DNAJC1: variants seen among roughly 807,000 people sequenced by gnomAD.
The protein encoded by DNAJC1 is DnaJ heat shock protein family (Hsp40) member C1.
Under a neutral mutation model 76.6 loss-of-function variants are expected in DNAJC1, and 58 were observed. That is an observed-to-expected ratio of 0.76 (90% confidence interval 0.61 to 0.94). DNAJC1 has a LOEUF of 0.94. Ranked by LOEUF, DNAJC1 falls within the 40% of genes least tolerant of loss-of-function variation. The pLI is 0.00. For missense variants in DNAJC1, 689 were observed against 677.3 expected, an observed-to-expected ratio of 1.02 and a Z score of -0.19; for synonymous variants, 258 against 267.9, an observed-to-expected ratio of 0.96 and a Z score of 0.36.
chr10:21,939,993 G>A (rs911995238), intron 1 of DNAJC1, among the ~76,000 whole-genome samples: 4 of 148,676 alleles, frequency 2.7e-5, no homozygotes, highest in African/African-American at 7.4e-5. Context: ...AAACGTGTGT[G>A]TATACAAGTG....
chr10:21,816,547 T>C (rs965294458), intron 8 of DNAJC1, among the ~76,000 whole-genome samples: 126 of 143,098 alleles, frequency 8.8e-4, no homozygotes, highest in East Asian at 3.0e-3. Flanking sequence ...CTCTCTCTCT[T>C]TTTTTTTTTT....
intron 7 of DNAJC1, among the ~76,000 whole-genome samples, chr10:21,894,855 T>C (rs931377318): frequency 2.0e-5 from 3 of 152,160 alleles, no homozygotes; most frequent in African/African-American, 7.2e-5. Flanking sequence ...TCTTCTGCCA[T>C]GTGAGCACAC....
intron 7 of DNAJC1, among the ~76,000 whole-genome samples, chr10:21,889,967 C>G (rs1478847454): frequency 6.6e-6 from 1 of 152,162 alleles, no homozygotes; most frequent in African/African-American, 2.4e-5. Flanking sequence ...CCCAACCTCC[C>G]CACCAGGGTG....
chr10:21,883,937 C>A (rs369480633), intron 7 of DNAJC1, among the ~76,000 whole-genome samples: 16 of 152,136 alleles, frequency 1.1e-4, no homozygotes, highest in Admixed American at 1.0e-3. Flanking sequence ...GCTTACACAA[C>A]TGAGTATCCA....
At chr10:21,763,120 C>T (rs1374828915) in intron 10 of DNAJC1, among the ~76,000 whole-genome samples, 1 of 151,914 alleles carries the variant, frequency 6.6e-6, no homozygotes, top group African/African-American at 2.4e-5. Flanking sequence ...TAGTAGAGAC[C>T]GGGTTTCACT....
intron 8 of DNAJC1, among the ~76,000 whole-genome samples, chr10:21,849,501 A>G (rs892399797): frequency 1.3e-5 from 2 of 151,982 alleles, no homozygotes; most frequent in African/African-American, 4.8e-5. Flanking sequence ...AAAAAGACAA[A>G]ACTGACAAGC....
Position 21,759,574 on chromosome 10 carries a change from T to C in DNAJC1, c.1192A>G (p.Arg398Gly). The C allele has an allele frequency of 6.2e-7, 1 of 1,614,096 alleles. No homozygotes were observed. Among genetic ancestry groups the C allele is most frequent in the Non-Finnish European group, 8.5e-7 (1 of 1,180,036 alleles). ...AAGGTGGTGGCCGTTTTGATGGGCC[T>C]GGAATTCTGAACTGTCGATTTGAGT... is the stretch of plus-strand genomic sequence containing the variant. ...SELKSTVQNS[R>G]PIKTATTLPD... Residue 398 changes from arginine to glycine, a missense_variant, in exon 11 of 12, where the codon AGG becomes GGG. Physicochemically the swap from Arg to Gly is moderately radical, Grantham distance 125. Coordinates refer to ENST00000376980, the MANE Select transcript of DNAJC1 (RefSeq NM_022365.4).
At chr10:22,002,281 T>A (rs1320839992) in intron 1 of DNAJC1, among the ~76,000 whole-genome samples, 5 of 152,180 alleles carry the variant, frequency 3.3e-5, no homozygotes, top group African/African-American at 7.2e-5. Flanking sequence ...TCAGATCGTG[T>A]GAAGTGTACA....
intron 6 of DNAJC1, among the ~76,000 whole-genome samples, chr10:21,908,124 T>A (rs1271616899): frequency 3.7e-5 from 4 of 108,486 alleles, no homozygotes; most frequent in Admixed American, 1.4e-4. Context: ...ATATATATAA[T>A]ATATAATATA....
intron 9 of DNAJC1, among the ~76,000 whole-genome samples, chr10:21,786,605 C>T (rs1375933163): frequency 1.3e-5 from 2 of 151,622 alleles, no homozygotes; most frequent in Admixed American, 6.6e-5. Context: ...AATGCCTCAG[C>T]CTCCCGCGTA....
intron 7 of DNAJC1, among the ~76,000 whole-genome samples, chr10:21,891,727 G>A (rs1002406299): frequency 2.6e-5 from 4 of 152,100 alleles, no homozygotes; most frequent in South Asian, 2.1e-4. Flanking sequence ...ATATCTTACC[G>A]GCATGAAGGG....
intron 10 of DNAJC1, among the ~76,000 whole-genome samples, chr10:21,764,670 T>C (rs1589971315): frequency 6.6e-6 from 1 of 152,244 alleles, no homozygotes; most frequent in African/African-American, 2.4e-5. Context: ...TACGGATTCT[T>C]TGTTAATTTG....
At chr10:21,800,265 A>G (rs1349971542) in intron 9 of DNAJC1, among the ~76,000 whole-genome samples, 2 of 152,152 alleles carry the variant, frequency 1.3e-5, no homozygotes, top group Non-Finnish European at 2.9e-5. Context: ...AATGGTGAAA[A>G]ATGTAGTGTT....
At chr10:21,822,843 G>A (rs1835183342) in intron 8 of DNAJC1, among the ~76,000 whole-genome samples, 1 of 151,348 alleles carries the variant, frequency 6.6e-6, no homozygotes, top group African/African-American at 2.4e-5. Flanking sequence ...CTAAAGATCA[G>A]GATAAGTGAT....
intron 1 of DNAJC1, among the ~76,000 whole-genome samples, chr10:21,967,802 C>T (rs1012830580): frequency 6.6e-6 from 1 of 152,058 alleles, no homozygotes; most frequent in Non-Finnish European, 1.5e-5. Flanking sequence ...AAGAAGAGGA[C>T]ACAGGTAGGG....
chr10:21,981,634 A>T (rs571886754), intron 1 of DNAJC1, among the ~76,000 whole-genome samples: 1 of 152,322 alleles, frequency 6.6e-6, no homozygotes, highest in African/African-American at 2.4e-5. Flanking sequence ...ATGCCTTACT[A>T]AGTAGGGCTG....
chr10:21,873,620 T>A (rs956484285), intron 8 of DNAJC1, among the ~76,000 whole-genome samples: 1 of 151,536 alleles, frequency 6.6e-6, no homozygotes, highest in African/African-American at 2.4e-5. Flanking sequence ...CGAAAGGGAG[T>A]CCTTAGGGAT....
At chr10:21,850,370 T>A (rs1590014663) in intron 8 of DNAJC1, among the ~76,000 whole-genome samples, 1 of 151,876 alleles carries the variant, frequency 6.6e-6, no homozygotes. Flanking sequence ...TACAACAGCA[T>A]GAAACAGAAT....
At chr10:21,903,988 A>G (rs1014549762) in intron 7 of DNAJC1, among the ~76,000 whole-genome samples, 1 of 152,252 alleles carries the variant, frequency 6.6e-6, no homozygotes, top group South Asian at 2.1e-4. Context: ...ACCTTTTTAC[A>G]TAATATGTTC....
Sources: allele counts gnomAD v4.1 joint callset (sites outside exome capture counted in the v4.1 genomes callset), GRCh38; gene constraint gnomAD v4.1.1; transcripts MANE v1.5; gene names NCBI Gene and HGNC (gene_info 2026-07-23, HGNC 2026-07-21).